DHRS13: variants seen among roughly 807,000 people sequenced by gnomAD.
DHRS13 encodes dehydrogenase/reductase 13, also known as dehydrogenase/reductase SDR family member 13.
DHRS13 carries 22 observed loss-of-function variants against 17.9 expected under a neutral mutation model. The ratio of observed to expected loss-of-function variants is 1.23; its 90% CI spans 0.88 to 1.75. The LOEUF is 1.75. Among genes scored for constraint, DHRS13 ranks in the 40% most tolerant of loss-of-function variants. DHRS13 has a pLI of 0.00. For missense variants in DHRS13, 483 were observed against 519.9 expected (o/e 0.93, Z 0.69); for synonymous variants, 206 against 220.4 (o/e 0.93, Z 0.58).
chr17:28,898,870 G>C lies in DHRS13; in HGVS notation c.705C>G (p.Phe235Leu). The change falls in exon 5 of 5, where the codon TTC becomes TTG. Residue 235 changes from phenylalanine (F) to leucine (L), a missense_variant. Phe to Leu is a conservative substitution (Grantham distance 22). Transcript: ENST00000378895. ...AHPGPVNSEL[F>L]LRHVPGWLRP... The stretch of plus-strand genomic sequence containing the variant: ...GCAGCCATCCAGGAACATGGCGCAG[G>C]AACAGCTCCGAGTTCACAGGCCCTG... 6.3e-7 allele frequency: 1 copy of C among 1,591,676 alleles called. No homozygotes were observed. The highest frequency in any genetic ancestry group is 1.1e-5 in the South Asian group (1 of 88,564).
At position 28,897,833 on chromosome 17, in the gene DHRS13, G is replaced by A; in HGVS notation, c.*608C>T. 1 of 287,370 alleles carries A rather than the reference G, an allele frequency of 3.5e-6. No individual in the cohort carries two copies. Among genetic ancestry groups the A allele is most frequent in the East Asian group, 6.2e-5 (1 of 16,170 alleles). The allele number at this position is 287,370 out of a possible 1,614,324, so 17.8% of individuals were successfully genotyped here. On this transcript the variant is annotated 3_prime_UTR_variant, in exon 5 of 5. Coordinates refer to ENST00000378895, the MANE Select transcript of DHRS13 (RefSeq NM_144683.4). The surrounding 1 kb of genome is among the most constrained non-coding windows in gnomAD (Gnocchi z 4.4). Reference sequence around the variant, plus strand: ...GGGGCTTCAGATACAGATGACCCCAGCCCTGCATCCGCCCGGAAGGCGTCC... The same window carrying A: ...GGGGCTTCAGATACAGATGACCCCAACCCTGCATCCGCCCGGAAGGCGTCC...
intron 4 of DHRS13, among the ~76,000 whole-genome samples, chr17:28,900,353 TTC>T (rs2039795809): frequency 1.3e-5 from 2 of 152,218 alleles, no homozygotes; most frequent in Non-Finnish European, 2.9e-5. Context: ...ATTTGCACTG[TTC>T]TCTCTTTTTC....
chr17:28,898,760 T>C lies in DHRS13; in HGVS notation c.815A>G (p.Glu272Gly). The change falls in exon 5 of 5, where the codon GAG becomes GGG. Residue 272 changes from glutamate to glycine, a missense_variant. Transcript: ENST00000378895. ...TCTCCCACTGAGGGGCTCGATGCCC[T>C]CTTGTAGAGCACAATACAGGGGTGT... ...AQTPLYCALQ[E>G]GIEPLSGRYF... The C allele has an allele frequency of 6.2e-7, 1 of 1,613,714 alleles. No homozygotes were observed. The highest frequency in any genetic ancestry group is 1.3e-5 in the African/African-American group (1 of 75,032).
Position 28,901,590 on chromosome 17 carries a change from G to T in DHRS13, c.273C>A (p.Phe91Leu). 6.2e-7 allele frequency: 1 copy of T among 1,614,222 alleles called. No individual in the cohort carries two copies. The change falls in exon 3 of 5, where the codon TTC becomes TTA. Residue 91 changes from phenylalanine to leucine, a missense_variant. Physicochemically the swap from Phe to Leu is conservative, Grantham distance 22. Coordinates refer to ENST00000378895, the MANE Select transcript of DHRS13 (RefSeq NM_144683.4). This position sits in a 1 kb window ranked among gnomAD's most constrained non-coding sequence, Gnocchi z 4.3. ...RQESGNNEVI[F>L]MALDLASLAS... Reference sequence around the variant, plus strand: ...CCAGACTGGCCAAGTCCAAGGCCATGAAGATGACCTCATTGTTCCCACTCT... The same window carrying T: ...CCAGACTGGCCAAGTCCAAGGCCATTAAGATGACCTCATTGTTCCCACTCT...
Position 28,899,039 on chromosome 17 carries a change from A to C in DHRS13, c.683-147T>G. The C allele has an allele frequency of 4.2e-6, 2 of 473,140 alleles. No homozygotes were observed. Among genetic ancestry groups the C allele is most frequent in the Non-Finnish European group, 6.9e-6 (2 of 291,010 alleles). The allele number at this position is 473,140 out of a possible 1,614,324, so 29.3% of individuals were successfully genotyped here. ...CAACATAGTCAAGCTCTGTCTCTTT[A>C]AAAAAAAAAACAACAACAAAAAAAA... On this transcript the variant is annotated intron_variant, in intron 4 of 4. Transcript: ENST00000378895. This position sits in a 1 kb window ranked among gnomAD's most constrained non-coding sequence, Gnocchi z 4.7.
Position 28,903,071 on chromosome 17 carries a change from G to T in DHRS13, c.-127C>A. On this transcript the variant is annotated 5_prime_UTR_variant, in exon 1 of 5. Transcript: ENST00000378895. This position sits in a 1 kb window ranked among gnomAD's most constrained non-coding sequence, Gnocchi z 4.8. ...CGCGTCAGCCTCCGAAGGCGGAGGC[G>T]GGCAGGAGGCTGGGCAGGGGCGTGT... The T allele has an allele frequency of 1.2e-6, 1 of 869,266 alleles. No individual in the cohort carries two copies. The highest frequency in any genetic ancestry group is 3.9e-5 in the East Asian group (1 of 25,594). 53.8% of individuals were successfully genotyped at this position (869,266 alleles called of 1,614,324 possible). A position where few individuals can be genotyped will look rare whatever the true frequency, so the allele number is the denominator to read the frequency against.
In DHRS13 at chr17:28,902,960, C is replaced by G; in HGVS notation, c.-16G>C. The G allele has an allele frequency of 6.7e-7, 1 of 1,498,012 alleles. No individual in the cohort carries two copies. Among genetic ancestry groups the G allele is most frequent in the Non-Finnish European group, 8.9e-7 (1 of 1,129,340 alleles). The allele number at this position is 1,498,012 out of a possible 1,614,324, so 92.8% of individuals were successfully genotyped here. A position where few individuals can be genotyped will look rare whatever the true frequency, so the allele number is the denominator to read the frequency against. ...GCGCCTCCATGCCGGCCGCGCCTCC[C>G]GGCTCCCGCCCAGGCCCCGCACCGC... On this transcript the variant is annotated 5_prime_UTR_variant, in exon 1 of 5. Coordinates refer to ENST00000378895, the MANE Select transcript of DHRS13 (RefSeq NM_144683.4). The surrounding 1 kb of genome is among the most constrained non-coding windows in gnomAD (Gnocchi z 4.0).
In DHRS13 at chr17:28,902,766, G is replaced by A; in HGVS notation, c.127+52C>T. On this transcript the variant is annotated intron_variant, in intron 1 of 4. Coordinates refer to ENST00000378895, the MANE Select transcript of DHRS13 (RefSeq NM_144683.4). This position sits in a 1 kb window ranked among gnomAD's most constrained non-coding sequence, Gnocchi z 4.0. The stretch of plus-strand genomic sequence containing the variant: ...GCGGGCCGCTGCTACCGCCGGCCCG[G>A]CCTCCTCTCCGCGCGCCCCGCCAGC... 7.0e-7 allele frequency: 1 copy of A among 1,432,312 alleles called. No individual in the cohort carries two copies. Among genetic ancestry groups the A allele is most frequent in the South Asian group, 1.4e-5 (1 of 71,598 alleles). The allele number at this position is 1,432,312 out of a possible 1,614,324, so 88.7% of individuals were successfully genotyped here. A position where few individuals can be genotyped will look rare whatever the true frequency, so the allele number is the denominator to read the frequency against.
At position 28,898,653 on chromosome 17, in the gene DHRS13, T is replaced by G; in HGVS notation, c.922A>C (p.Lys308Gln). ...CCAGGCCCAAGCCCTGCCAGCCTCT[T>G]GCTGGCCTCCCATAGCCGATGGGCT... Reference protein sequence around the residue: ...RAAHRLWEASKRLAGLGPGED... With the variant: ...RAAHRLWEASQRLAGLGPGED... The change falls in exon 5 of 5, where the codon AAG (lysine) becomes CAG (glutamine). Residue 308 changes from lysine to glutamine, a missense_variant. By Grantham distance (53) the Lys-to-Gln change is moderately conservative. Transcript: ENST00000378895. 2 of 1,613,838 alleles carry G rather than the reference T, an allele frequency of 1.2e-6. No individual in the cohort carries two copies. Among genetic ancestry groups the G allele is most frequent in the Admixed American group, 1.7e-5 (1 of 59,986 alleles).
At position 28,902,607 on chromosome 17, in the gene DHRS13, C is replaced by T; in HGVS notation, c.222G>A (p.Glu74=). ...VLACRSQERG[E]AAAFDLRQES... ...CCTGGCGGAGGTCGAAGGCAGCCGC[C>T]TCCCCGCGCTCCTGGCTGCGGCAGG... Residue 74 remains glutamate (E), a synonymous_variant, in exon 2 of 5, where the codon GAG becomes GAA. Transcript: ENST00000378895. This position sits in a 1 kb window ranked among gnomAD's most constrained non-coding sequence, Gnocchi z 4.0. 1 of 1,476,556 alleles carries T rather than the reference C, an allele frequency of 6.8e-7. No homozygotes were observed. Among genetic ancestry groups the T allele is most frequent in the Non-Finnish European group, 8.9e-7 (1 of 1,122,292 alleles). The allele number at this position is 1,476,556 out of a possible 1,614,324, so 91.5% of individuals were successfully genotyped here.
At position 28,902,920 on chromosome 17, in the gene DHRS13, C is replaced by T. The variant is rs1037856551; in HGVS notation, c.25G>A (p.Gly9Arg). MEALLLGA[G>R]LLLGAYVLVY... ...AGCACGTAAGCGCCCAGCAGCAACC[C>T]CGCGCCCAGCAGCAGCGCCTCCATG... Residue 9 changes from glycine (G) to arginine (R), a missense_variant, in exon 1 of 5, where the codon GGG becomes AGG. Transcript: ENST00000378895. The surrounding 1 kb of genome is among the most constrained non-coding windows in gnomAD (Gnocchi z 4.0). 6.5e-7 allele frequency: 1 copy of T among 1,548,770 alleles called. No individual in the cohort carries two copies. The highest frequency in any genetic ancestry group is 8.7e-7 in the Non-Finnish European group (1 of 1,155,528).
chr17:28,898,214 A>G lies in DHRS13; in HGVS notation c.*227T>C, dbSNP rs1598107381. 3.6e-6 allele frequency: 2 copies of G among 561,492 alleles called. No individual in the cohort carries two copies. The highest frequency in any genetic ancestry group is 6.2e-6 in the Non-Finnish European group (2 of 323,408). The allele number at this position is 561,492 out of a possible 1,614,324, so 34.8% of individuals were successfully genotyped here. A position where few individuals can be genotyped will look rare whatever the true frequency, so the allele number is the denominator to read the frequency against. On this transcript the variant is annotated 3_prime_UTR_variant, in exon 5 of 5. Coordinates refer to ENST00000378895, the MANE Select transcript of DHRS13 (RefSeq NM_144683.4). ...CAAATTTCCGAGAAGCACAGTGTCT[A>G]GCATACCCCTATCTCTCCATCTGGG...
chr17:28,900,064 C>A (rs531735446), intron 4 of DHRS13, among the ~76,000 whole-genome samples: 1 of 152,276 alleles, frequency 6.6e-6, no homozygotes, highest in South Asian at 2.1e-4. Flanking sequence ...CAGGCGCGCG[C>A]CACCACACCT....
chr17:28,898,935 G>A, intron 4 of DHRS13, 43 bp from the exon 5 acceptor site: 1 of 1,520,244 alleles, frequency 6.6e-7, no homozygotes. Context: ...AGGCACAGTG[G>A]TGTGTATTTA....
Position 28,902,123 on chromosome 17 carries a change from C to T in DHRS13, c.246+460G>A, listed in dbSNP as rs546604198. 2 of 167,176 alleles carry T rather than the reference C, an allele frequency of 1.2e-5. No homozygotes were observed. The highest frequency in any genetic ancestry group is 4.8e-5 in the African/African-American group (2 of 41,814). The allele number at this position is 167,176 out of a possible 1,614,324, so 10.4% of individuals were successfully genotyped here. A position where few individuals can be genotyped will look rare whatever the true frequency, so the allele number is the denominator to read the frequency against. On this transcript the variant is annotated intron_variant, in intron 2 of 4. Coordinates refer to ENST00000378895, the MANE Select transcript of DHRS13 (RefSeq NM_144683.4). This position sits in a 1 kb window ranked among gnomAD's most constrained non-coding sequence, Gnocchi z 4.0. ...GCCTACTGAGGGCTGTTCATGGTCT[C>T]CACTGGTCTCTGCTGCCCAATCTAT...
rs201593315 is a variant in DHRS13 at position 28,898,833 on chromosome 17, G to A, written c.742C>T (p.Arg248Cys). Reference protein sequence around the residue: ...HVPGWLRPLLRPLAWLVLRAP... With the variant: ...HVPGWLRPLLCPLAWLVLRAP... ...CGGAGCACCAGCCAAGCCAATGGGC[G>A]CAAAAGTGGGCGCAGCCATCCAGGA... Residue 248 changes from arginine (R) to cysteine (C), a missense_variant, in exon 5 of 5, where the codon CGC becomes TGC. Transcript: ENST00000378895. 6.8e-6 allele frequency: 11 copies of A among 1,606,450 alleles called. 1 individual carries two copies. Among genetic ancestry groups the A allele is most frequent in the East Asian group, 2.2e-5 (1 of 44,642 alleles).
Position 28,899,183 on chromosome 17 carries a change from C to T in DHRS13, c.683-291G>A, listed in dbSNP as rs547565746. On this transcript the variant is annotated intron_variant, in intron 4 of 4. Coordinates refer to ENST00000378895, the MANE Select transcript of DHRS13 (RefSeq NM_144683.4). This position sits in a 1 kb window ranked among gnomAD's most constrained non-coding sequence, Gnocchi z 4.7. ...ACTCATTTCCTGCATGAAGCCTCTT[C>T]GCTTCCATCCAGACTGCTTGTTCAC... 2.1e-4 allele frequency: 67 copies of T among 317,344 alleles called. No homozygotes were observed. The East Asian group carries it at 4.5e-3, about 21-fold the overall frequency. The allele number at this position is 317,344 out of a possible 1,614,324, so 19.7% of individuals were successfully genotyped here.
At position 28,901,278 on chromosome 17, in the gene DHRS13, G is replaced by C; in HGVS notation, c.394C>G (p.Arg132Gly). Residue 132 changes from arginine to glycine, a missense_variant, in exon 4 of 5, where the codon CGT becomes GGT. Transcript: ENST00000378895. The surrounding 1 kb of genome is among the most constrained non-coding windows in gnomAD (Gnocchi z 4.3). ...NAGISSCGRT[R>G]EAFNLLLRVN... ...CGAAGCAGCAGGTTAAACGCCTCAC[G>C]GGTCCGGCCACAGGAACTGATACCT... 1.2e-6 allele frequency: 2 copies of C among 1,610,652 alleles called. No homozygotes were observed. The highest frequency in any genetic ancestry group is 1.7e-6 in the Non-Finnish European group (2 of 1,177,648).
Position 28,901,269 on chromosome 17 carries a change from A to G in DHRS13, c.403T>C (p.Phe135Leu). Residue 135 changes from phenylalanine to leucine, a missense_variant, in exon 4 of 5, where the codon TTT becomes CTT. Phe to Leu is a conservative substitution (Grantham distance 22, BLOSUM62 0). Transcript: ENST00000378895. The surrounding 1 kb of genome is among the most constrained non-coding windows in gnomAD (Gnocchi z 4.3). Reference protein sequence around the residue: ...ISSCGRTREAFNLLLRVNHIG... With the variant: ...ISSCGRTREALNLLLRVNHIG... The stretch of plus-strand genomic sequence containing the variant: ...TGGTTCACCCGAAGCAGCAGGTTAA[A>G]CGCCTCACGGGTCCGGCCACAGGAA... 6.2e-7 allele frequency: 1 copy of G among 1,613,258 alleles called. No individual in the cohort carries two copies. The highest frequency in any genetic ancestry group is 8.5e-7 in the Non-Finnish European group (1 of 1,179,388).
Sources: allele counts gnomAD v4.1 joint callset (sites outside exome capture counted in the v4.1 genomes callset), GRCh38; gene constraint gnomAD v4.1.1; non-coding constraint Gnocchi (gnomAD v3.1); transcripts MANE v1.5; gene names NCBI Gene and HGNC (gene_info 2026-07-23, HGNC 2026-07-21).